ZNF385D: variants seen among roughly 807,000 people sequenced by gnomAD.
ZNF385D encodes the protein zinc finger protein 659.
ZNF385D carries 15 observed loss-of-function variants against 35.8 expected under a neutral mutation model. The ratio of observed to expected loss-of-function variants is 0.42; its 90% CI spans 0.28 to 0.64. The LOEUF (loss-of-function observed/expected upper bound fraction) is 0.64. Among genes scored for constraint, ZNF385D ranks in the 30% least tolerant of loss-of-function variants. ZNF385D has a pLI of 0.23. For synonymous variants in ZNF385D, 212 were observed against 186.8 expected (o/e 1.13, Z -1.10); for missense variants, 474 against 494.6 (o/e 0.96, Z 0.39).
chr3:22,058,339 G>A (rs1157820261), intron 3 of ZNF385D, among the ~76,000 whole-genome samples: 2 of 152,206 alleles, frequency 1.3e-5, no homozygotes, highest in African/African-American at 2.4e-5. Context: ...CGCCCCTATT[G>A]TCAACAGTTG....
chr3:21,678,184 G>A (rs1438369054), intron 1 of ZNF385D, among the ~76,000 whole-genome samples: 2 of 152,008 alleles, frequency 1.3e-5, no homozygotes, highest in Non-Finnish European at 2.9e-5. Flanking sequence ...TTATACCTCT[G>A]GCAAAGTGTC....
At chr3:21,928,044 C>T (rs1182135271) in intron 3 of ZNF385D, among the ~76,000 whole-genome samples, 1 of 152,032 alleles carries the variant, frequency 6.6e-6, no homozygotes, top group East Asian at 1.9e-4. Context: ...GGCAACAGAG[C>T]AAGACTCGAT....
intron 3 of ZNF385D, among the ~76,000 whole-genome samples, chr3:22,043,621 T>TTCTAGCAGAGGAGAGAAGTAGGTAAC (rs1553597571): frequency 9.2e-5 from 14 of 151,758 alleles, no homozygotes; most frequent in Admixed American, 9.2e-4. Context: ...CTGCCTTCTC[T>TTCTAGCAGAGGAGAGAAGTAGGTAAC]TCTAGCAGAG....
Position 21,931,429 on chromosome 3 carries a change from G to A in ZNF385D, c.325+237388C>T, listed in dbSNP as rs73820440. ...AAATAAAATTACAGATGACCCAGCA[G>A]TTACATTCCTAGATATTTACTTAAA... On this transcript the variant is annotated intron_variant, in intron 3 of 5. Coordinates refer to the ZNF385D transcript ENST00000494108. 2.0e-3 allele frequency among the ~76,000 whole-genome samples: 304 copies of A among 152,250 alleles called. 1 individual carries two copies. The highest frequency in any genetic ancestry group is 5.0e-3 in the African/African-American group (208 of 41,528).
chr3:22,253,244 G>A (rs920160825), intron 2 of ZNF385D, among the ~76,000 whole-genome samples: 12 of 152,046 alleles, frequency 7.9e-5, no homozygotes, highest in African/African-American at 2.2e-4. Flanking sequence ...GGTTCTAAAC[G>A]GATAGATTTT....
intron 3 of ZNF385D, among the ~76,000 whole-genome samples, chr3:21,822,249 T>C (rs1291862880): frequency 6.6e-6 from 1 of 151,998 alleles, no homozygotes; most frequent in South Asian, 2.1e-4. Flanking sequence ...TTTTTTTGTA[T>C]TTATAGTAGA....
chr3:22,026,137 A>T (rs1480458678), intron 3 of ZNF385D, among the ~76,000 whole-genome samples: 1 of 152,178 alleles, frequency 6.6e-6, no homozygotes, highest in East Asian at 1.9e-4. Flanking sequence ...AATTGATAGG[A>T]AGCCTACTGC....
intron 3 of ZNF385D, among the ~76,000 whole-genome samples, chr3:22,109,532 G>C (rs1702399711): frequency 6.6e-6 from 1 of 152,170 alleles, no homozygotes; most frequent in African/African-American, 2.4e-5. Context: ...TTGCCAGATA[G>C]ATGGGGCTGA....
intron 1 of ZNF385D, among the ~76,000 whole-genome samples, chr3:21,732,623 G>T (rs956870391): frequency 6.6e-6 from 1 of 151,996 alleles, no homozygotes; most frequent in African/African-American, 2.4e-5. Flanking sequence ...GTTTTAATTT[G>T]CATATCTCTA....
intron 4 of ZNF385D, among the ~76,000 whole-genome samples, chr3:21,509,313 G>C (rs915235961): frequency 6.6e-6 from 1 of 152,016 alleles, no homozygotes; most frequent in African/African-American, 2.4e-5. Flanking sequence ...GCATCAAAAG[G>C]CTTCAGGATT....
chr3:21,641,348 A>G (rs2065598987), intron 2 of ZNF385D, among the ~76,000 whole-genome samples: 3 of 151,964 alleles, frequency 2.0e-5, no homozygotes, highest in South Asian at 2.1e-4. Flanking sequence ...GAGGAGGAGA[A>G]GGAAAAGAGA....
At chr3:21,566,745 G>A (rs1404782757) in intron 2 of ZNF385D, among the ~76,000 whole-genome samples, 1 of 152,146 alleles carries the variant, frequency 6.6e-6, no homozygotes, top group Non-Finnish European at 1.5e-5. Flanking sequence ...AGTATTAAGT[G>A]TACAAGTGAA....
intron 3 of ZNF385D, among the ~76,000 whole-genome samples, chr3:21,531,842 C>G (rs762762371): frequency 6.6e-6 from 1 of 152,072 alleles, no homozygotes; most frequent in Non-Finnish European, 1.5e-5. Flanking sequence ...CTGCTCAAAC[C>G]CATAGAATAT....
At chr3:21,964,452 A>T (rs1222024690) in intron 3 of ZNF385D, among the ~76,000 whole-genome samples, 5 of 140,530 alleles carry the variant, frequency 3.6e-5, no homozygotes, top group Non-Finnish European at 6.2e-5. Context: ...AAAAAGAAAA[A>T]GATGTCCAAT....
At chr3:21,607,549 A>G (rs142584386) in intron 2 of ZNF385D, among the ~76,000 whole-genome samples, 27 of 152,276 alleles carry the variant, frequency 1.8e-4, no homozygotes, top group African/African-American at 3.4e-4. Context: ...TCCTCTGCCA[A>G]TCATTTCTTT....
chr3:22,208,717 TAA>T (rs35531397), intron 2 of ZNF385D, among the ~76,000 whole-genome samples: 27 of 150,614 alleles, frequency 1.8e-4, no homozygotes, highest in Non-Finnish European at 3.0e-4. Flanking sequence ...AAGTAAAAAT[TAA>T]AAAAAAAATT....
chr3:21,439,441 C>T lies in ZNF385D; in HGVS notation c.440-2238G>A, dbSNP rs1052947441. 9.2e-5 allele frequency among the ~76,000 whole-genome samples: 14 copies of T among 151,676 alleles called. 1 individual carries two copies. Among genetic ancestry groups the T allele is most frequent in the Admixed American group, 4.0e-4 (6 of 15,168 alleles). ...CTATCAGGAGTGATAACCGTAAATA[C>T]AGATATTATATTTAAACTTAGTTTG... On this transcript the variant is annotated intron_variant, in intron 4 of 7. Transcript: ENST00000281523.
chr3:21,824,822 G>C (rs1053416404), intron 3 of ZNF385D, among the ~76,000 whole-genome samples: 12 of 152,108 alleles, frequency 7.9e-5, no homozygotes, highest in African/African-American at 2.9e-4. Flanking sequence ...AAATTATTCT[G>C]AAGTTCCTTG....
intron 3 of ZNF385D, among the ~76,000 whole-genome samples, chr3:22,141,933 C>T (rs115174265): frequency 1.1e-3 from 165 of 152,292 alleles, no homozygotes; most frequent in African/African-American, 3.9e-3. Flanking sequence ...TAAGCATGTA[C>T]GTATTGGAAG....
Sources: gnomAD v4.1 joint callset for allele counts (sites outside exome capture counted in the v4.1 genomes callset) on GRCh38, gnomAD v4.1.1 for gene constraint, MANE v1.5 for transcripts, NCBI Gene and HGNC (gene_info 2026-07-23, HGNC 2026-07-21) for gene names.